SORCS2: variants seen among roughly 807,000 people sequenced by gnomAD.
SORCS2 encodes VPS10 domain-containing receptor SorCS2.
In SORCS2, 100 loss-of-function variants were observed where a neutral mutation model predicts 141.6. That is an observed-to-expected ratio of 0.71 (90% CI 0.60 to 0.83). The LOEUF (loss-of-function observed/expected upper bound fraction) is 0.83, where lower values mean the gene tolerates loss of function less well. Among genes scored for constraint, SORCS2 ranks in the 40% least tolerant of loss-of-function variants. The pLI, the probability that SORCS2 is intolerant of heterozygous loss-of-function variation, is 0.00. For missense variants in SORCS2, 1,646 were observed against 1,560.2 expected, an observed-to-expected ratio of 1.05 and a Z score of -0.93; for synonymous variants, 789 against 676.9, an observed-to-expected ratio of 1.17 and a Z score of -2.57.
chr4:7,621,902 C>T (rs1347595692), intron 3 of SORCS2, among the ~76,000 whole-genome samples: 1 of 152,154 alleles, frequency 6.6e-6, no homozygotes, highest in Admixed American at 6.5e-5. Context: ...GTGCTGCTGC[C>T]CAGCTATGAT....
At chr4:7,399,785 T>G (rs1279739677) in intron 2 of SORCS2, among the ~76,000 whole-genome samples, 2 of 152,088 alleles carry the variant, frequency 1.3e-5, no homozygotes, top group African/African-American at 4.8e-5. Context: ...AGAAAGTCAC[T>G]TAGAAAAGCC....
At position 7,525,018 on chromosome 4, in the gene SORCS2, C is replaced by A. The variant is rs180827475; in HGVS notation, c.549-6512C>A. 1.6e-3 allele frequency among the ~76,000 whole-genome samples: 237 copies of A among 152,370 alleles called. 1 individual carries two copies. Among genetic ancestry groups the A allele is most frequent in the African/African-American group, 5.4e-3 (224 of 41,588 alleles). On this transcript the variant is annotated intron_variant, in intron 2 of 26. Transcript: ENST00000507866. ...AGCTTAACTCGGGTCCTCCTTTTCT[C>A]GGACACAGCGCGGGGAGAGGCAAAG... is the stretch of plus-strand genomic sequence containing the variant.
chr4:7,543,958 A>G (rs1331086783), intron 3 of SORCS2, among the ~76,000 whole-genome samples: 1 of 128,706 alleles, frequency 7.8e-6, no homozygotes, highest in Non-Finnish European at 1.7e-5. Flanking sequence ...CCATCCATCC[A>G]TCCATCCATC....
intron 2 of SORCS2, among the ~76,000 whole-genome samples, chr4:7,510,994 G>C (rs1299499589): frequency 6.6e-6 from 1 of 152,234 alleles, no homozygotes; most frequent in Non-Finnish European, 1.5e-5. Context: ...TGCTTTCCCT[G>C]TGGTGGGGAA....
At chr4:7,284,279 G>C (rs548033435) in intron 1 of SORCS2, among the ~76,000 whole-genome samples, 6 of 152,312 alleles carry the variant, frequency 3.9e-5, no homozygotes, top group African/African-American at 1.4e-4. Context: ...AGGTGTGAAG[G>C]GAAAGAGCCG....
At chr4:7,310,546 G>A (rs1165238602) in intron 1 of SORCS2, 1 of 154,276 alleles carries the variant, frequency 6.5e-6, no homozygotes, top group Non-Finnish European at 1.5e-5. Context: ...AAAATGGTTT[G>A]TGAACCACCA....
In SORCS2 at chr4:7,249,262, A is replaced by G. The variant is rs149897063; in HGVS notation, c.480+56136A>G. ...AAGTACCTGGGCTGGAATGGCTGGA[A>G]GAGCTTGGGACTGGCTGGTGTCACT... On this transcript the variant is annotated intron_variant, in intron 1 of 26. Transcript: ENST00000507866. Among the ~76,000 whole-genome samples, 889 of 152,282 alleles carry G rather than the reference A, an allele frequency of 5.8e-3. 11 individuals carry two copies. The highest frequency in any genetic ancestry group is 0.021 in the African/African-American group (865 of 41,554).
At chr4:7,540,129 CTA>C (rs1162680618) in intron 3 of SORCS2, among the ~76,000 whole-genome samples, 1 of 134,488 alleles carries the variant, frequency 7.4e-6, no homozygotes, top group Admixed American at 7.3e-5. Flanking sequence ...TCCCTCCCTG[CTA>C]TGAGGGCCCT....
intron 1 of SORCS2, among the ~76,000 whole-genome samples, chr4:7,278,337 G>A (rs757811741): frequency 2.6e-5 from 4 of 152,190 alleles, no homozygotes; most frequent in Non-Finnish European, 5.9e-5. Flanking sequence ...TGAGCGTGAC[G>A]GGGTCTTCGT....
At chr4:7,647,644 G>A (rs1721165140) in intron 4 of SORCS2, among the ~76,000 whole-genome samples, 1 of 152,210 alleles carries the variant, frequency 6.6e-6, no homozygotes, top group Non-Finnish European at 1.5e-5. Flanking sequence ...TTTGGTAAGG[G>A]AATAAAGGCT....
intron 2 of SORCS2, among the ~76,000 whole-genome samples, chr4:7,478,821 C>G (rs73088063): frequency 6.6e-6 from 1 of 152,162 alleles, no homozygotes; most frequent in Non-Finnish European, 1.5e-5. Context: ...CGGCCCATGA[C>G]AGGGGAGACC....
chr4:7,635,697 A>G (rs4689812), intron 3 of SORCS2, among the ~76,000 whole-genome samples: 43,123 of 152,084 alleles, frequency 0.28, 7,310 homozygotes, highest in East Asian at 0.74. Flanking sequence ...TCCCCTAACC[A>G]GCCCTCGGTT....
chr4:7,335,957 GC>G (rs536143353), intron 1 of SORCS2, among the ~76,000 whole-genome samples: 205 of 152,328 alleles, frequency 1.3e-3, no homozygotes, highest in African/African-American at 3.9e-3. Context: ...TCTCAGCTCT[GC>G]CCCCTCCTGG....
At chr4:7,553,647 G>A (rs1258055118) in intron 3 of SORCS2, among the ~76,000 whole-genome samples, 1 of 152,232 alleles carries the variant, frequency 6.6e-6, no homozygotes, top group Non-Finnish European at 1.5e-5. Flanking sequence ...TACGAGCCCA[G>A]GTATGGATGG....
chr4:7,597,534 G>A (rs900093393), intron 3 of SORCS2, among the ~76,000 whole-genome samples: 3 of 150,270 alleles, frequency 2.0e-5, no homozygotes, highest in Admixed American at 6.6e-5. Context: ...CAATGGCGGG[G>A]GGCTATTGCA....
chr4:7,741,809 T>C lies in SORCS2; in HGVS notation c.*1545T>C, dbSNP rs1298362771. 2 of 152,320 alleles carry C rather than the reference T, an allele frequency of 1.3e-5. No homozygotes were observed. The highest frequency in any genetic ancestry group is 2.4e-5 in the African/African-American group (1 of 41,350). The allele number at this position is 152,320 out of a possible 1,614,324, so 9.4% of individuals were successfully genotyped here. On this transcript the variant is annotated 3_prime_UTR_variant, in exon 27 of 27. Transcript: ENST00000507866. Reference sequence around the variant, plus strand: ...TCCACCATGTCTGAGCTTGGGGGAATTGCCTCATTTCCCCTGGAAAAGAAA... The same window carrying C: ...TCCACCATGTCTGAGCTTGGGGGAACTGCCTCATTTCCCCTGGAAAAGAAA...
intron 2 of SORCS2, among the ~76,000 whole-genome samples, chr4:7,502,522 A>G (rs1343900373): frequency 1.3e-5 from 2 of 152,206 alleles, no homozygotes; most frequent in Admixed American, 6.5e-5. Flanking sequence ...CTGTGTGGAC[A>G]TGGCTGGTCT....
At chr4:7,486,500 C>T (rs756266339) in intron 2 of SORCS2, among the ~76,000 whole-genome samples, 2 of 152,188 alleles carry the variant, frequency 1.3e-5, no homozygotes, top group Non-Finnish European at 2.9e-5. Flanking sequence ...CCTGTTCCTG[C>T]GGGACCCGAG....
Position 7,381,273 on chromosome 4 carries a change from G to A in SORCS2, c.481-15015G>A, listed in dbSNP as rs369745072. ...TTGGAGGGGATGGCCGCTTTGACTC[G>A]CAGGTCCAGCTGAGAGAGCATTCCA... On this transcript the variant is annotated intron_variant, in intron 1 of 26. Transcript: ENST00000507866. Among the ~76,000 whole-genome samples the A allele has an allele frequency of 7.9e-4, 121 of 152,254 alleles. 1 individual carries two copies. Among genetic ancestry groups the A allele is most frequent in the African/African-American group, 2.5e-3 (104 of 41,542 alleles).
Sources: allele counts gnomAD v4.1 joint callset (sites outside exome capture counted in the v4.1 genomes callset), GRCh38; gene constraint gnomAD v4.1.1; transcripts MANE v1.5; gene names NCBI Gene and HGNC (gene_info 2026-07-23, HGNC 2026-07-21).